Variants in TTC7A observed in about 807,000 individuals in gnomAD.
TTC7A encodes tetratricopeptide repeat domain 7A.
TTC7A carries 110 observed loss-of-function variants against 103.7 expected under a neutral mutation model. The ratio of observed to expected loss-of-function variants is 1.06; its 90% CI spans 0.91 to 1.24. TTC7A has a LOEUF of 1.24. Ranked by LOEUF, TTC7A falls within the 50% of genes most tolerant of loss-of-function variation. The pLI is 0.00. For synonymous variants in TTC7A, 521 were observed against 467.9 expected, an observed-to-expected ratio of 1.11 and a Z score of -1.47; for missense variants, 1,340 against 1,116.3, an observed-to-expected ratio of 1.20 and a Z score of -2.86.
intron 5 of TTC7A, among the ~76,000 whole-genome samples, chr2:46,979,172 G>A (rs890327904): frequency 6.6e-6 from 1 of 152,136 alleles, no homozygotes; most frequent in Admixed American, 6.5e-5. Context: ...AAACAGGAGT[G>A]GGCATTTCAA....
intron 3 of TTC7A, among the ~76,000 whole-genome samples, 153 bp downstream of exon 3, chr2:46,957,160 C>T (rs939933521): frequency 3.9e-5 from 6 of 152,232 alleles, no homozygotes; most frequent in Non-Finnish European, 7.3e-5. Flanking sequence ...CGGTGGCAAC[C>T]GGCCATGTTG....
At chr2:46,969,468 C>G (rs1673163943) in intron 3 of TTC7A, among the ~76,000 whole-genome samples, 1 of 152,138 alleles carries the variant, frequency 6.6e-6, no homozygotes, top group African/African-American at 2.4e-5. Flanking sequence ...GATCGCGCCA[C>G]TGCACTCCAG....
intron 4 of TTC7A, among the ~76,000 whole-genome samples, chr2:46,975,840 G>T (rs1036821874): frequency 6.6e-6 from 1 of 151,994 alleles, no homozygotes; most frequent in Non-Finnish European, 1.5e-5. Flanking sequence ...GGGTTCAAGC[G>T]ATTCTTCTGC....
Position 47,023,485 on chromosome 2 carries a change from CA to C in TTC7A, c.1568+21del. 1 of 1,613,464 alleles carries C rather than the reference CA, an allele frequency of 6.2e-7. No homozygotes were observed. Among genetic ancestry groups the C allele is most frequent in the Non-Finnish European group, 8.5e-7 (1 of 1,179,444 alleles). On this transcript the variant is annotated intron_variant, in intron 13 of 19. Transcript: ENST00000319190. ...GGAGAGGTGAGGAGGCTCCCACCTGCAGCAGAGGCCCCTCTTGCCTTTGGTG... is the reference window on the plus strand; with the variant it reads ...GGAGAGGTGAGGAGGCTCCCACCTGCGCAGAGGCCCCTCTTGCCTTTGGTG...
rs115374068 is a variant in TTC7A, at chr2:46,987,456, G to T, written c.765-5994G>T. Reference sequence around the variant, plus strand: ...CCTGTCAGTGGCTCTAACTGCACTAGGACAAGTGCCTGGGCATCTCCCAAG... The same window carrying T: ...CCTGTCAGTGGCTCTAACTGCACTATGACAAGTGCCTGGGCATCTCCCAAG... On this transcript the variant is annotated intron_variant, in intron 5 of 19. Coordinates refer to ENST00000319190, the MANE Select transcript of TTC7A (RefSeq NM_020458.4). Among the ~76,000 whole-genome samples the T allele has an allele frequency of 9.5e-3, 1,447 of 152,310 alleles. 18 individuals carry two copies. The highest frequency in any genetic ancestry group is 0.023 in the South Asian group (112 of 4,820).
intron 3 of TTC7A, among the ~76,000 whole-genome samples, chr2:46,971,087 A>G (rs1673316148): frequency 6.6e-6 from 1 of 152,220 alleles, no homozygotes; most frequent in African/African-American, 2.4e-5. Flanking sequence ...GTGTTTTTTC[A>G]TCCAGCCAGC....
chr2:46,952,991 A>G lies in TTC7A; in HGVS notation c.348+2465A>G, dbSNP rs561586153. Reference sequence around the variant, plus strand: ...GTCTCATTCTTTGTATTGGCTGAATAGTAACCACATGTATTGTGACAACGG... The same window carrying G: ...GTCTCATTCTTTGTATTGGCTGAATGGTAACCACATGTATTGTGACAACGG... On this transcript the variant is annotated intron_variant, in intron 2 of 19. Coordinates refer to ENST00000319190, the MANE Select transcript of TTC7A (RefSeq NM_020458.4). Among the ~76,000 whole-genome samples the G allele has an allele frequency of 2.8e-4, 42 of 152,360 alleles. 1 individual carries two copies. In the South Asian group the frequency reaches 8.1e-3, roughly 29 times the overall value.
chr2:47,058,774 G>A (rs935849648), intron 18 of TTC7A, among the ~76,000 whole-genome samples: 4 of 152,212 alleles, frequency 2.6e-5, no homozygotes, highest in African/African-American at 7.2e-5. Flanking sequence ...TGCCTACCGT[G>A]GGGTGTGCCT....
Position 47,038,926 on chromosome 2 carries a change from A to G in TTC7A, c.1803-7389A>G, listed in dbSNP as rs570604812. ...GAGAGCAGGCACCAAGGATACAAAGATAAGAAAGACCTAGTTCTCCCCCAG... is the reference window on the plus strand; with the variant it reads ...GAGAGCAGGCACCAAGGATACAAAGGTAAGAAAGACCTAGTTCTCCCCCAG... On this transcript the variant is annotated intron_variant, in intron 15 of 19. Coordinates refer to ENST00000319190, the MANE Select transcript of TTC7A (RefSeq NM_020458.4). 1.4e-4 allele frequency among the ~76,000 whole-genome samples: 22 copies of G among 152,228 alleles called. No individual in the cohort carries two copies. The East Asian group carries it at 3.9e-3, about 27-fold the overall frequency.
At position 46,994,534 on chromosome 2, in the gene TTC7A, C is replaced by T. The variant is rs1675964561; in HGVS notation, c.1001+20C>T. 6.2e-6 allele frequency: 10 copies of T among 1,612,050 alleles called. No homozygotes were observed. Among genetic ancestry groups the T allele is most frequent in the Non-Finnish European group, 7.6e-6 (9 of 1,178,686 alleles). ...AGACAAGTAAGTTCTGCCTGCCCTG[C>T]TGCACCTTGCCAGTCTCACATCTCA... On this transcript the variant is annotated intron_variant, in intron 7 of 19. Transcript: ENST00000319190.
chr2:47,019,193 C>G (rs1189562141), intron 11 of TTC7A, among the ~76,000 whole-genome samples: 2 of 152,110 alleles, frequency 1.3e-5, no homozygotes, highest in Non-Finnish European at 2.9e-5. Context: ...CTAATCACTG[C>G]TATGACTCTG....
chr2:46,963,503 C>G (rs1425809324), intron 3 of TTC7A, among the ~76,000 whole-genome samples: 1 of 152,216 alleles, frequency 6.6e-6, no homozygotes, highest in African/African-American at 2.4e-5. Flanking sequence ...ATGGCAAAGT[C>G]CTCACTGCCC....
chr2:46,927,906 T>TTC (rs1386880525), intron 2 of TTC7A, among the ~76,000 whole-genome samples: 1 of 138,298 alleles, frequency 7.2e-6, no homozygotes, highest in African/African-American at 2.7e-5. Flanking sequence ...TTTTTTTTTT[T>TTC]TTTTTGAGAC....
chr2:46,983,394 G>C (rs1674675315), intron 5 of TTC7A, among the ~76,000 whole-genome samples: 1 of 152,212 alleles, frequency 6.6e-6, no homozygotes, highest in Non-Finnish European at 1.5e-5. Context: ...TGGAGGGCTG[G>C]TTCCTGTTTT....
rs544053514 is a variant in TTC7A, at chr2:47,034,702, A to G, written c.1802+5318A>G. ...ACATAGGTCAAGGGAAGAACAAACAATTTCCCCTTCCCCTCTCCACAGTGG... is the reference window on the plus strand; with the variant it reads ...ACATAGGTCAAGGGAAGAACAAACAGTTTCCCCTTCCCCTCTCCACAGTGG... On this transcript the variant is annotated intron_variant, in intron 15 of 19. Transcript: ENST00000319190. 3.3e-5 allele frequency among the ~76,000 whole-genome samples: 5 copies of G among 151,920 alleles called. No homozygotes were observed. In the East Asian group the frequency reaches 7.8e-4, roughly 24 times the overall value.
At chr2:46,988,943 C>T (rs1406623365) in intron 5 of TTC7A, among the ~76,000 whole-genome samples, 1 of 152,194 alleles carries the variant, frequency 6.6e-6, no homozygotes, top group Non-Finnish European at 1.5e-5. Context: ...TTTATTTATT[C>T]AGTGATCATT....
At chr2:47,063,678 C>T (rs187560783) in intron 19 of TTC7A, among the ~76,000 whole-genome samples, 6 of 152,360 alleles carry the variant, frequency 3.9e-5, no homozygotes, top group Non-Finnish European at 8.8e-5. Context: ...CTGGCCTTAC[C>T]ATGCCACTGT....
At position 47,007,095 on chromosome 2, in the gene TTC7A, A is replaced by G. The variant is rs899163782; in HGVS notation, c.1287+371A>G. On this transcript the variant is annotated intron_variant, in intron 10 of 19. Transcript: ENST00000319190. This position sits in a 1 kb window ranked among gnomAD's most constrained non-coding sequence, Gnocchi z 4.9. ...GTGGGCTGTAGTTCTCATCCTGTCC[A>G]CTGAGCATAGCATCAGGAAATGGCC... Among the ~76,000 whole-genome samples, 7 of 152,112 alleles carry G rather than the reference A, an allele frequency of 4.6e-5. No homozygotes were observed. Among genetic ancestry groups the G allele is most frequent in the African/African-American group, 1.7e-4 (7 of 41,404 alleles).
In TTC7A at chr2:46,934,893, C is replaced by T. The variant is rs371958523; in HGVS notation, c.83-15470C>T. 9.8e-4 allele frequency among the ~76,000 whole-genome samples: 138 copies of T among 141,054 alleles called. No individual in the cohort carries two copies. The Middle Eastern group carries it at 0.012, about 13-fold the overall frequency. 92.5% of individuals were successfully genotyped at this position (141,054 alleles called of 152,430 possible). A position where few individuals can be genotyped will look rare whatever the true frequency, so the allele number is the denominator to read the frequency against. ...TGGGCTCACTGCAACCTCCGCCTCC[C>T]GGGTTCAAGCGATTCTCTTGCCTCA... is the stretch of plus-strand genomic sequence containing the variant. On this transcript the variant is annotated intron_variant, in intron 2 of 20. Coordinates refer to the TTC7A transcript ENST00000409245.
Sources: gnomAD v4.1 joint callset for allele counts (sites outside exome capture counted in the v4.1 genomes callset) on GRCh38, gnomAD v4.1.1 for gene constraint, Gnocchi (gnomAD v3.1) non-coding constraint, MANE v1.5 for transcripts, NCBI Gene and HGNC (gene_info 2026-07-23, HGNC 2026-07-21) for gene names.